PCDHGA4: variants seen among roughly 807,000 people sequenced by gnomAD.
PCDHGA4 encodes protocadherin gamma-A4.
In PCDHGA4, 38 loss-of-function variants were observed where a neutral mutation model predicts 54.6. That is an observed-to-expected ratio of 0.70 (90% confidence interval 0.54 to 0.91). PCDHGA4 has a LOEUF of 0.91. Among genes scored for constraint, PCDHGA4 ranks in the 40% least tolerant of loss-of-function variants. The pLI is 0.00. For missense variants in PCDHGA4, 1,298 were observed against 1,220.9 expected (o/e 1.06, Z -0.94); for synonymous variants, 511 against 512.9 (o/e 1.00, Z 0.05).
In PCDHGA4 at chr5:141,438,615, TATATATATATATATATATATACAC is replaced by T. The variant is rs1230398483; in HGVS notation, c.2515-56190_2515-56167del. ...ACATATATATATATATATATATATA[TATATATATATATATATATATACAC>T]ACACACACACACATATATGTATATA... is the stretch of plus-strand genomic sequence containing the variant. On this transcript the variant is annotated intron_variant, in intron 1 of 3. Transcript: ENST00000571252. Among the ~76,000 whole-genome samples the T allele has an allele frequency of 3.0e-3, 107 of 35,910 alleles. 2 individuals carry two copies. The highest frequency in any genetic ancestry group is 7.9e-3 in the African/African-American group (39 of 4,916). The allele number at this position is 35,910 out of a possible 152,430, so 23.6% of individuals were successfully genotyped here. A position where few individuals can be genotyped will look rare whatever the true frequency, so the allele number is the denominator to read the frequency against.
At chr5:141,410,576 C>A (rs533810160) in intron 1 of PCDHGA4, 1 of 1,611,270 alleles carries the variant, frequency 6.2e-7, no homozygotes, top group African/African-American at 1.3e-5. Flanking sequence ...AATTCCACCT[C>A]ATGGTGGGGA....
chr5:141,421,410 G>A lies in PCDHGA4; in HGVS notation c.2514+63789G>A, dbSNP rs538537555. On this transcript the variant is annotated intron_variant, in intron 1 of 3. Transcript: ENST00000571252. ...TGGGGCTGGAGCCCCGGGAGCTGGCGAAGCGCGGAGTCCGCATCGTCTCCA... is the reference window on the plus strand; with the variant it reads ...TGGGGCTGGAGCCCCGGGAGCTGGCAAAGCGCGGAGTCCGCATCGTCTCCA... The A allele has an allele frequency of 3.7e-6, 6 of 1,614,084 alleles. No homozygotes were observed. In the African/African-American group the frequency reaches 6.7e-5, roughly 18 times the overall value.
At position 141,485,073 on chromosome 5, in the gene PCDHGA4, C is replaced by T. The variant is rs1167407526; in HGVS notation, c.2515-9734C>T. ...CGGCCGAACCGCGCCAGAGCTGGCG[C>T]GGGGAAAGGGAGATAGGTGTCTCCA... On this transcript the variant is annotated intron_variant, in intron 1 of 3. Transcript: ENST00000571252. The surrounding 1 kb of genome is among the most constrained non-coding windows in gnomAD (Gnocchi z 5.7). 3.3e-6 allele frequency: 3 copies of T among 922,354 alleles called. No homozygotes were observed. The highest frequency in any genetic ancestry group is 4.8e-5 in the East Asian group (2 of 41,404). 57.1% of individuals were successfully genotyped at this position (922,354 alleles called of 1,614,324 possible).
At chr5:141,461,689 A>G (rs2099020485) in intron 1 of PCDHGA4, among the ~76,000 whole-genome samples, 1 of 152,120 alleles carries the variant, frequency 6.6e-6, no homozygotes, top group Admixed American at 6.6e-5. Context: ...GTTTATTTTG[A>G]GACAGAGTTT....
intron 1 of PCDHGA4, chr5:141,427,531 A>C: frequency 1.6e-6 from 1 of 620,632 alleles, no homozygotes. Flanking sequence ...ATCCCGGAGT[A>C]CAACGTCACC....
intron 1 of PCDHGA4, among the ~76,000 whole-genome samples, chr5:141,442,612 A>C (rs1180568407): frequency 6.6e-6 from 1 of 152,212 alleles, no homozygotes; most frequent in Non-Finnish European, 1.5e-5. Flanking sequence ...ATCTCAGTAA[A>C]AAGCATTTCT....
At chr5:141,362,990 A>C (rs1365847301) in intron 1 of PCDHGA4, among the ~76,000 whole-genome samples, 1 of 152,256 alleles carries the variant, frequency 6.6e-6, no homozygotes, top group African/African-American at 2.4e-5. Flanking sequence ...GCATAATGGC[A>C]TGGCTTGTTA....
chr5:141,475,978 G>C, intron 1 of PCDHGA4: 1 of 1,010,712 alleles, frequency 9.9e-7, no homozygotes, highest in Non-Finnish European at 1.4e-6. Context: ...AGACTGAACA[G>C]CCGGCGAGCA....
chr5:141,382,592 A>C (rs1264942970), intron 1 of PCDHGA4: 2 of 246,462 alleles, frequency 8.1e-6, no homozygotes, highest in Non-Finnish European at 1.5e-5. Flanking sequence ...TTGAAAGATG[A>C]AACAATTTTC....
chr5:141,395,102 G>T (rs766050798), intron 1 of PCDHGA4: 3 of 1,614,172 alleles, frequency 1.9e-6, no homozygotes, highest in South Asian at 1.1e-5. Flanking sequence ...CCGCCGACTC[G>T]CGGAAGAGTC....
In PCDHGA4 at chr5:141,511,098, T is replaced by G; in HGVS notation, c.2814T>G (p.Ala938=). 6.2e-7 allele frequency: 1 copy of G among 1,614,132 alleles called. No individual in the cohort carries two copies. The highest frequency in any genetic ancestry group is 8.5e-7 in the Non-Finnish European group (1 of 1,179,996). ...PGSNATLTNA[A]GKRDGKAPAG... is the part of the protein sequence containing the mutation. The stretch of plus-strand genomic sequence containing the variant: ...GCAATGCCACACTGACCAACGCAGC[T>G]GGCAAGCGGGATGGCAAGGCCCCAG... Residue 938 remains alanine, a synonymous_variant, in exon 4 of 4, where the codon GCT becomes GCG. Transcript: ENST00000571252.
chr5:141,487,041 G>C lies in PCDHGA4; in HGVS notation c.2515-7766G>C, dbSNP rs149314216. On this transcript the variant is annotated intron_variant, in intron 1 of 3. Coordinates refer to ENST00000571252, the MANE Select transcript of PCDHGA4 (RefSeq NM_018917.4). The surrounding 1 kb of genome is among the most constrained non-coding windows in gnomAD (Gnocchi z 5.0). ...GATCCCAGCCTGTTTGCAGTCTCTC[G>C]ATATGCTGGGGAGGTGCGGACGGCT... 2.5e-6 allele frequency: 4 copies of C among 1,614,018 alleles called. No homozygotes were observed. Among genetic ancestry groups the C allele is most frequent in the South Asian group, 2.2e-5 (2 of 91,084 alleles).
chr5:141,431,356 C>T lies in PCDHGA4; in HGVS notation c.2515-63451C>T. ...ACCCCGAATTGGTGCTGAAACGCGC[C>T]CTGGACCGCGAAGAAAAGGCTGCTC... On this transcript the variant is annotated intron_variant, in intron 1 of 3. Transcript: ENST00000571252. This position sits in a 1 kb window ranked among gnomAD's most constrained non-coding sequence, Gnocchi z 4.8. 6.2e-7 allele frequency: 1 copy of T among 1,614,004 alleles called. No individual in the cohort carries two copies. The highest frequency in any genetic ancestry group is 8.5e-7 in the Non-Finnish European group (1 of 1,180,026).
chr5:141,415,249 G>A (rs756443082), intron 1 of PCDHGA4: 1 of 1,614,204 alleles, frequency 6.2e-7, no homozygotes, highest in South Asian at 1.1e-5. Context: ...TGAAACCTCA[G>A]ACCTCACTCT....
intron 1 of PCDHGA4, chr5:141,471,535 T>C (rs553186728): frequency 6.6e-6 from 1 of 152,368 alleles, no homozygotes; most frequent in African/African-American, 2.4e-5. Context: ...GAAGCTATGA[T>C]AGCATTTAAG....
At position 141,511,216 on chromosome 5, in the gene PCDHGA4, C is replaced by G. The variant is rs374915167; in HGVS notation, c.*43C>G. Reference sequence around the variant, plus strand: ...GAGCCACAGGGCGGCCTCTCCCCAACCAGCCCAGCTTCTCCTTACCTGCAC... The same window carrying G: ...GAGCCACAGGGCGGCCTCTCCCCAAGCAGCCCAGCTTCTCCTTACCTGCAC... On this transcript the variant is annotated 3_prime_UTR_variant, in exon 4 of 4. Coordinates refer to ENST00000571252, the MANE Select transcript of PCDHGA4 (RefSeq NM_018917.4). 4.2e-5 allele frequency: 68 copies of G among 1,608,004 alleles called. No individual in the cohort carries two copies. The highest frequency in any genetic ancestry group is 6.7e-5 in the East Asian group (3 of 44,538).
intron 1 of PCDHGA4, among the ~76,000 whole-genome samples, chr5:141,439,431 G>A (rs2154558488): frequency 6.6e-6 from 1 of 152,298 alleles, no homozygotes; most frequent in Non-Finnish European, 1.5e-5. Flanking sequence ...AAATTCCCAG[G>A]AATATTTTAT....
intron 1 of PCDHGA4, among the ~76,000 whole-genome samples, chr5:141,397,772 A>G (rs1352118170): frequency 6.6e-6 from 1 of 152,238 alleles, no homozygotes; most frequent in Non-Finnish European, 1.5e-5. Context: ...TATTAAGTAT[A>G]TGGACGTAAA....
chr5:141,428,430 GA>G, intron 1 of PCDHGA4: 1 of 421,748 alleles, frequency 2.4e-6, no homozygotes. Flanking sequence ...TCTGTTCTAA[GA>G]CTAGACCAGG....
Sources: gnomAD v4.1 joint callset for allele counts (sites outside exome capture counted in the v4.1 genomes callset) on GRCh38, gnomAD v4.1.1 for gene constraint, Gnocchi (gnomAD v3.1) non-coding constraint, MANE v1.5 for transcripts, NCBI Gene and HGNC (gene_info 2026-07-23, HGNC 2026-07-21) for gene names.